SHANK2: variants seen among roughly 807,000 people sequenced by gnomAD.
SHANK2 encodes SH3 and multiple ankyrin repeat domains 2.
In SHANK2, 43 loss-of-function variants were observed where a neutral mutation model predicts 133.7. The observed-to-expected ratio is 0.32, with a 90% CI of 0.25 to 0.41. The LOEUF is 0.41. SHANK2 is among the 10% of genes least tolerant of loss of function. The probability of loss-of-function intolerance (pLI) is 1.00; values close to 1 mark genes in which losing one functional copy is unlikely to be tolerated. For missense variants in SHANK2, 1,994 were observed against 2,235.8 expected (o/e 0.89, Z 2.18); for synonymous variants, 1,017 against 952.8 (o/e 1.07, Z -1.24).
chr11:70,696,017 A>C (rs1945384233), intron 15 of SHANK2, among the ~76,000 whole-genome samples: 1 of 152,214 alleles, frequency 6.6e-6, no homozygotes, highest in South Asian at 2.1e-4. Context: ...ACCTGGCAGA[A>C]CAGGTGTTCA....
chr11:70,493,632 T>C (rs556102862), intron 21 of SHANK2, among the ~76,000 whole-genome samples: 1 of 152,108 alleles, frequency 6.6e-6, no homozygotes, highest in Non-Finnish European at 1.5e-5. Context: ...CCAGTCGCGA[T>C]GTGCATTCTG....
intron 10 of SHANK2, among the ~76,000 whole-genome samples, chr11:70,902,358 C>T (rs528403191): frequency 2.0e-5 from 3 of 152,306 alleles, no homozygotes; most frequent in South Asian, 2.1e-4. Flanking sequence ...AAGGGAGGGG[C>T]GGGGCCTCCA....
At chr11:71,137,594 C>T (rs1555105021) in intron 3 of SHANK2, among the ~76,000 whole-genome samples, 4 of 152,156 alleles carry the variant, frequency 2.6e-5, no homozygotes, top group African/African-American at 9.7e-5. Flanking sequence ...TGCCAGGGTG[C>T]TGGCTGCAGG....
At chr11:70,637,476 G>A (rs12808630) in intron 17 of SHANK2, among the ~76,000 whole-genome samples, 24,323 of 152,032 alleles carry the variant, frequency 0.16, 2,526 homozygotes, top group Non-Finnish European at 0.24. Flanking sequence ...CTCCTCCTGC[G>A]GTGCAGAATC....
In SHANK2 at chr11:70,472,800, C is replaced by T; in HGVS notation, c.*69G>A. 1 of 1,468,272 alleles carries T rather than the reference C, an allele frequency of 6.8e-7. No homozygotes were observed. The highest frequency in any genetic ancestry group is 2.3e-5 in the East Asian group (1 of 44,168). The allele number at this position is 1,468,272 out of a possible 1,614,324, so 91.0% of individuals were successfully genotyped here. On this transcript the variant is annotated 3_prime_UTR_variant, in exon 26 of 26. Coordinates refer to ENST00000601538, the MANE Select transcript of SHANK2 (RefSeq NM_012309.5). This position sits in a 1 kb window ranked among gnomAD's most constrained non-coding sequence, Gnocchi z 4.4. ...ATGCTCACAGACTTCGCTTGGCATT[C>T]AGATGTTTCAGCACGAGCCCATCTC...
chr11:70,806,808 G>A (rs1227668261), intron 13 of SHANK2, among the ~76,000 whole-genome samples, 194 bp downstream of exon 13: 1 of 152,368 alleles, frequency 6.6e-6, no homozygotes, highest in Non-Finnish European at 1.5e-5. Context: ...CCAGCACTGG[G>A]GAAGCCGCAG....
At chr11:70,940,188 T>TCCTTCCCTCCCTCCC (rs1590855385) in intron 10 of SHANK2, among the ~76,000 whole-genome samples, 1 of 18,662 alleles carries the variant, frequency 5.4e-5, no homozygotes, top group Non-Finnish European at 1.7e-4. Context: ...CCTTCCTTAC[T>TCCTTCCCTCCCTCCC]TCCTTCCTTC....
Position 70,594,238 on chromosome 11 carries a change from G to A in SHANK2, c.2061+65590C>T, listed in dbSNP as rs1240832473. ...AAAAGGACCGCAGCTTTGACATGCCGGGGCGTGGGGGATGCTCAGCGACTT... is the reference window on the plus strand; with the variant it reads ...AAAAGGACCGCAGCTTTGACATGCCAGGGCGTGGGGGATGCTCAGCGACTT... On this transcript the variant is annotated intron_variant, in intron 17 of 25. Coordinates refer to ENST00000601538, the MANE Select transcript of SHANK2 (RefSeq NM_012309.5). 3.9e-5 allele frequency among the ~76,000 whole-genome samples: 6 copies of A among 152,196 alleles called. No individual in the cohort carries two copies. In the South Asian group the frequency reaches 6.2e-4, roughly 16 times the overall value.
At chr11:70,697,437 G>A (rs1945420059) in intron 15 of SHANK2, among the ~76,000 whole-genome samples, 1 of 152,176 alleles carries the variant, frequency 6.6e-6, no homozygotes, top group Non-Finnish European at 1.5e-5. Context: ...GCAGCACCGA[G>A]GCAGGCAGAG....
intron 10 of SHANK2, among the ~76,000 whole-genome samples, chr11:70,949,599 A>G (rs1288886514): frequency 2.6e-5 from 4 of 152,210 alleles, no homozygotes; most frequent in African/African-American, 9.6e-5. Context: ...AGACTAGGGC[A>G]CCAAGCCTCA....
At chr11:71,210,692 C>G (rs573439999) in intron 2 of SHANK2, among the ~76,000 whole-genome samples, 48 of 152,218 alleles carry the variant, frequency 3.2e-4, no homozygotes, top group Non-Finnish European at 5.9e-4. Context: ...CCACTTCCCC[C>G]CACTTGACCT....
chr11:70,758,431 G>T (rs1222296025), intron 14 of SHANK2, among the ~76,000 whole-genome samples: 4 of 152,222 alleles, frequency 2.6e-5, no homozygotes, highest in African/African-American at 7.2e-5. Flanking sequence ...TTCCGATCCA[G>T]CGAGGCGGCG....
intron 3 of SHANK2, among the ~76,000 whole-genome samples, chr11:71,129,475 A>G (rs1397704392): frequency 3.3e-5 from 5 of 152,184 alleles, no homozygotes; most frequent in Non-Finnish European, 5.9e-5. Context: ...CGTCTCTACG[A>G]AAAATGAAAA....
chr11:71,247,494 A>G (rs1555125173), intron 1 of SHANK2, among the ~76,000 whole-genome samples: 1 of 151,570 alleles, frequency 6.6e-6, no homozygotes, highest in African/African-American at 2.4e-5. Flanking sequence ...TAAAAAAAAC[A>G]ACACTTTCAG....
At chr11:70,801,985 G>C (rs1948056353) in intron 13 of SHANK2, among the ~76,000 whole-genome samples, 1 of 152,176 alleles carries the variant, frequency 6.6e-6, no homozygotes, top group Admixed American at 6.5e-5. Flanking sequence ...AGGGGCAGGA[G>C]GAAGACTACG....
At chr11:70,641,919 G>A (rs1230081765) in intron 17 of SHANK2, among the ~76,000 whole-genome samples, 2 of 152,192 alleles carry the variant, frequency 1.3e-5, no homozygotes, top group East Asian at 3.9e-4. Context: ...TAGCACAAAA[G>A]GGCCAATCTC....
intron 17 of SHANK2, among the ~76,000 whole-genome samples, chr11:70,577,559 G>C (rs966881609): frequency 6.6e-5 from 10 of 152,254 alleles, no homozygotes; most frequent in Admixed American, 2.0e-4. Flanking sequence ...AGGCACTGCT[G>C]CTACTCCTTT....
At chr11:70,505,770 G>A (rs547940938) in intron 17 of SHANK2, among the ~76,000 whole-genome samples, 12 of 152,222 alleles carry the variant, frequency 7.9e-5, no homozygotes. Flanking sequence ...CTGAGGGCTC[G>A]TCGGGCTGAT....
rs139484509 is a variant in SHANK2 at position 71,170,101 on chromosome 11, T to C, written c.-12-22763A>G. On this transcript the variant is annotated intron_variant, in intron 2 of 25. Transcript: ENST00000601538. ...ATTTGGAATATTTTAGCAGATATCA[T>C]TTTTGGAATCATGAAAAATGTTTAA... Among the ~76,000 whole-genome samples the C allele has an allele frequency of 7.3e-3, 1,115 of 152,366 alleles. 15 individuals are homozygous for C. The highest frequency in any genetic ancestry group is 0.026 in the African/African-American group (1,072 of 41,598).
Sources: gnomAD v4.1 joint callset for allele counts (sites outside exome capture counted in the v4.1 genomes callset) on GRCh38, gnomAD v4.1.1 for gene constraint, Gnocchi (gnomAD v3.1) non-coding constraint, MANE v1.5 for transcripts, NCBI Gene and HGNC (gene_info 2026-07-23, HGNC 2026-07-21) for gene names.